The following ADAMTSL1 variants were observed in gnomAD, a reference collection of about 807,000 sequenced individuals.
ADAMTSL1 encodes the protein ADAMTS like 1.
Under a neutral mutation model 201.8 loss-of-function variants are expected in ADAMTSL1, and 126 were observed. The ratio of observed to expected loss-of-function variants is 0.62; its 90% confidence interval spans 0.54 to 0.72. The LOEUF (loss-of-function observed/expected upper bound fraction) is 0.72. ADAMTSL1 is among the 30% of genes least tolerant of loss of function. ADAMTSL1 has a pLI of 0.00. For missense variants in ADAMTSL1, 2,679 were observed against 2,277.8 expected (o/e 1.18, Z -3.59); for synonymous variants, 1,121 against 903.4 (o/e 1.24, Z -4.32).
intron 23 of ADAMTSL1, among the ~76,000 whole-genome samples, chr9:18,848,523 G>T (rs1826277478): frequency 6.6e-6 from 1 of 151,988 alleles, no homozygotes; most frequent in Non-Finnish European, 1.5e-5. Context: ...CCATGGCCTT[G>T]AGCCTCATGT....
chr9:18,345,480 G>C (rs1053198298), intron 2 of ADAMTSL1, among the ~76,000 whole-genome samples: 8 of 152,100 alleles, frequency 5.3e-5, no homozygotes, highest in Admixed American at 1.3e-4. Flanking sequence ...ATCACGTGTA[G>C]GAATGCTATG....
chr9:18,521,267 G>A (rs1357823837), intron 2 of ADAMTSL1, among the ~76,000 whole-genome samples: 3 of 152,002 alleles, frequency 2.0e-5, no homozygotes. Flanking sequence ...TGGCAGAGAG[G>A]AGGGGCCTCA....
chr9:18,575,944 C>T (rs1412874851), intron 4 of ADAMTSL1, among the ~76,000 whole-genome samples: 8 of 152,156 alleles, frequency 5.3e-5, no homozygotes, highest in African/African-American at 1.9e-4. Flanking sequence ...TTTTCCTAAA[C>T]TAATCCTGCC....
intron 2 of ADAMTSL1, among the ~76,000 whole-genome samples, chr9:18,327,166 C>T (rs1262725177): frequency 6.7e-6 from 1 of 150,288 alleles, no homozygotes; most frequent in African/African-American, 2.4e-5. Flanking sequence ...TTCTAAAGAG[C>T]AGTGACACTC....
intron 1 of ADAMTSL1, among the ~76,000 whole-genome samples, chr9:18,144,545 T>C (rs979334586): frequency 1.3e-5 from 2 of 152,130 alleles, no homozygotes; most frequent in African/African-American, 2.4e-5. Context: ...CTTACACATA[T>C]GTAAAATTGG....
At chr9:18,886,068 C>T (rs1828832698) in intron 23 of ADAMTSL1, among the ~76,000 whole-genome samples, 1 of 151,098 alleles carries the variant, frequency 6.6e-6, no homozygotes, top group South Asian at 2.1e-4. Flanking sequence ...GAGCAGATCA[C>T]TTGAGGCCAG....
chr9:18,856,392 C>T (rs1420339160), intron 23 of ADAMTSL1, among the ~76,000 whole-genome samples: 1 of 149,244 alleles, frequency 6.7e-6, no homozygotes, highest in Non-Finnish European at 1.5e-5. Context: ...TTTTAAAGAA[C>T]TTTTAGTTTT....
intron 4 of ADAMTSL1, among the ~76,000 whole-genome samples, chr9:18,596,183 C>T (rs972069166): frequency 1.3e-5 from 2 of 152,110 alleles, no homozygotes; most frequent in East Asian, 1.9e-4. Flanking sequence ...AAAGTTCTGC[C>T]GTGTGGGTCT....
In ADAMTSL1 at chr9:18,423,558, A is replaced by G. The variant is rs77431801; in HGVS notation, c.208-81271A>G. Among the ~76,000 whole-genome samples the G allele has an allele frequency of 3.9e-4, 60 of 152,352 alleles. No individual in the cohort carries two copies. In the East Asian group the frequency reaches 8.7e-3, roughly 22 times the overall value. ...GAATCTTTTGGAGGCGAGGCATTGT[A>G]CTAGGCACTTTGAGGGATGCAGCTC... On this transcript the variant is annotated intron_variant, in intron 2 of 29. Transcript: ENST00000680146.
chr9:18,559,737 T>A (rs1475116248), intron 3 of ADAMTSL1, among the ~76,000 whole-genome samples: 2 of 152,218 alleles, frequency 1.3e-5, no homozygotes, highest in Admixed American at 1.3e-4. Context: ...CCTTGTAAGT[T>A]ATATTCCTAG....
chr9:18,203,009 G>A (rs1020598971), intron 2 of ADAMTSL1, among the ~76,000 whole-genome samples: 1 of 152,074 alleles, frequency 6.6e-6, no homozygotes, highest in Admixed American at 6.6e-5. Context: ...CAAATCATCT[G>A]AAGACTGGAA....
chr9:18,691,224 C>G (rs958777663), intron 13 of ADAMTSL1, among the ~76,000 whole-genome samples: 14 of 152,262 alleles, frequency 9.2e-5, no homozygotes, highest in African/African-American at 3.4e-4. Context: ...TTGCATCTAC[C>G]TCTAAGATAA....
intron 2 of ADAMTSL1, among the ~76,000 whole-genome samples, chr9:18,429,296 C>T (rs1194992843): frequency 6.6e-6 from 1 of 151,834 alleles, no homozygotes; most frequent in African/African-American, 2.4e-5. Context: ...TAGTTTTTAC[C>T]CATACTTTTG....
chr9:18,192,251 T>C (rs1829000297), intron 2 of ADAMTSL1, among the ~76,000 whole-genome samples: 1 of 152,174 alleles, frequency 6.6e-6, no homozygotes, highest in African/African-American at 2.4e-5. Flanking sequence ...TTCCTAAGAC[T>C]TTGTTTGATA....
chr9:18,322,907 T>G (rs563305350), intron 2 of ADAMTSL1, among the ~76,000 whole-genome samples: 25 of 152,308 alleles, frequency 1.6e-4, no homozygotes, highest in African/African-American at 6.0e-4. Flanking sequence ...TCTATTTCCC[T>G]CACAAAACAA....
chr9:18,633,684 T>A (rs542069150), intron 5 of ADAMTSL1, among the ~76,000 whole-genome samples: 3 of 149,096 alleles, frequency 2.0e-5, no homozygotes, highest in African/African-American at 7.4e-5. Context: ...CCCCTTACAC[T>A]TTTTTCTGTT....
intron 21 of ADAMTSL1, among the ~76,000 whole-genome samples, chr9:18,824,644 C>T (rs968450870): frequency 6.6e-6 from 1 of 150,890 alleles, no homozygotes; most frequent in African/African-American, 2.4e-5. Flanking sequence ...AAAGGTCTGG[C>T]TCCTTGGCCA....
intron 2 of ADAMTSL1, among the ~76,000 whole-genome samples, chr9:18,276,617 G>A (rs1832598358): frequency 6.6e-6 from 1 of 152,210 alleles, no homozygotes; most frequent in African/African-American, 2.4e-5. Context: ...CAAGAAGCGT[G>A]CTGCCAGCAC....
intron 3 of ADAMTSL1, among the ~76,000 whole-genome samples, chr9:18,555,838 G>T (rs1446121019): frequency 6.6e-6 from 1 of 151,926 alleles, no homozygotes; most frequent in African/African-American, 2.4e-5. Flanking sequence ...TAACAAATAC[G>T]AAGAAAAGAA....
Sources: gnomAD v4.1 joint callset for allele counts (sites outside exome capture counted in the v4.1 genomes callset) on GRCh38, gnomAD v4.1.1 for gene constraint, MANE v1.5 for transcripts, NCBI Gene and HGNC (gene_info 2026-07-23, HGNC 2026-07-21) for gene names.